LRRTM4: variants seen among roughly 807,000 people sequenced by gnomAD.
LRRTM4 encodes the protein leucine rich repeat transmembrane neuronal 4.
LRRTM4 carries 25 observed loss-of-function variants against 47.6 expected under a neutral mutation model. The ratio of observed to expected loss-of-function variants is 0.53; its 90% CI spans 0.38 to 0.73. The LOEUF (loss-of-function observed/expected upper bound fraction) is 0.73. Ranked by LOEUF, LRRTM4 falls within the 30% of genes least tolerant of loss-of-function variation. LRRTM4 has a pLI of 0.00. For missense variants in LRRTM4, 638 were observed against 713.4 expected (o/e 0.89, Z 1.20); for synonymous variants, 311 against 269.5 (o/e 1.15, Z -1.51).
At chr2:77,091,024 G>A (rs981142060) in intron 3 of LRRTM4, among the ~76,000 whole-genome samples, 39 of 152,048 alleles carry the variant, frequency 2.6e-4, no homozygotes, top group African/African-American at 9.2e-4. Context: ...GGGTATTGAC[G>A]GCCAGGCTTC....
At chr2:77,196,025 A>G (rs1325170733) in intron 3 of LRRTM4, among the ~76,000 whole-genome samples, 1 of 152,196 alleles carries the variant, frequency 6.6e-6, no homozygotes, top group African/African-American at 2.4e-5. Flanking sequence ...ATTGCCCTCC[A>G]ATGATCCAAT....
chr2:76,905,520 G>C (rs1673798931), intron 3 of LRRTM4, among the ~76,000 whole-genome samples: 1 of 152,128 alleles, frequency 6.6e-6, no homozygotes, highest in Non-Finnish European at 1.5e-5. Flanking sequence ...GACGAGTTGA[G>C]AGAAGAAGGC....
intron 3 of LRRTM4, among the ~76,000 whole-genome samples, chr2:76,966,136 A>T (rs1676015902): frequency 6.6e-6 from 1 of 151,610 alleles, no homozygotes; most frequent in Non-Finnish European, 1.5e-5. Context: ...AACTCCCCTA[A>T]CAGGTTTTAT....
In LRRTM4 at chr2:77,037,536, C is replaced by T. The variant is rs141279784; in HGVS notation, c.1552-288620G>A. Among the ~76,000 whole-genome samples the T allele has an allele frequency of 1.7e-4, 25 of 150,648 alleles. 1 individual carries two copies. The East Asian group carries it at 4.7e-3, about 28-fold the overall frequency. On this transcript the variant is annotated intron_variant, in intron 3 of 3. Transcript: ENST00000409884. ...ATAAAAAAATGCTTATGTCCAGGTA[C>T]TTCCTTTGTTGCTGTTTTATTACCA... is the stretch of plus-strand genomic sequence containing the variant.
rs144471237 is a variant in LRRTM4, at chr2:76,967,678, T to C, written c.1552-218762A>G. Among the ~76,000 whole-genome samples, 1,111 of 151,884 alleles carry C rather than the reference T, an allele frequency of 7.3e-3. 30 individuals are homozygous for C. The highest frequency in any genetic ancestry group is 0.068 in the South Asian group (330 of 4,832). On this transcript the variant is annotated intron_variant, in intron 3 of 3. Transcript: ENST00000409884. ...TGCTCTCAACGCATGAGGATTCCTC[T>C]TCTTGAAATGCCCTTTTTCTTCAGC...
Position 76,836,159 on chromosome 2 carries a change from T to TA in LRRTM4, c.1552-87244dup, listed in dbSNP as rs11361011. ...AGTCTCAAGATATTATAGTATGCGGTAAAAAAAAAAAAAAAATAACAGTGA... is the reference window on the plus strand; with the variant it reads ...AGTCTCAAGATATTATAGTATGCGGTAAAAAAAAAAAAAAAAATAACAGTGA... On this transcript the variant is annotated intron_variant, in intron 3 of 3. Transcript: ENST00000409884. 7.3e-4 allele frequency among the ~76,000 whole-genome samples: 106 copies of TA among 146,110 alleles called. 2 individuals are homozygous for TA. Among genetic ancestry groups the TA allele is most frequent in the East Asian group, 3.2e-3 (16 of 4,998 alleles).
chr2:77,518,207 A>G (rs745743302), intron 3 of LRRTM4, 111 bp downstream of exon 3: 17 of 1,376,770 alleles, frequency 1.2e-5, no homozygotes, highest in Non-Finnish European at 1.6e-5. Flanking sequence ...CAAAACCCAA[A>G]AGCAAAAGGG....
At chr2:77,106,075 C>A (rs1477227104) in intron 3 of LRRTM4, among the ~76,000 whole-genome samples, 3 of 152,126 alleles carry the variant, frequency 2.0e-5, no homozygotes, top group South Asian at 4.1e-4. Flanking sequence ...GATTTTCTCC[C>A]ACTCTCAGCA....
chr2:77,208,310 CAGAA>C (rs1370864632), intron 3 of LRRTM4, among the ~76,000 whole-genome samples: 12 of 152,058 alleles, frequency 7.9e-5, no homozygotes, highest in Non-Finnish European at 5.9e-5. Flanking sequence ...TTCTCGCACA[CAGAA>C]AGAGAAGAAT....
At chr2:76,807,592 TTTTATTATTA>T (rs1413151285) in intron 3 of LRRTM4, among the ~76,000 whole-genome samples, 3 of 150,592 alleles carry the variant, frequency 2.0e-5, no homozygotes, top group Non-Finnish European at 4.4e-5. Context: ...TATTTCTTTA[TTTTATTATTA>T]TTATTTTGAG....
intron 3 of LRRTM4, among the ~76,000 whole-genome samples, chr2:77,184,667 G>T (rs1673449058): frequency 6.6e-6 from 1 of 151,988 alleles, no homozygotes; most frequent in Admixed American, 6.6e-5. Context: ...ATTCGCCTCT[G>T]ATCCCTCCCA....
At position 76,908,568 on chromosome 2, in the gene LRRTM4, T is replaced by C. The variant is rs200114948; in HGVS notation, c.1552-159652A>G. Among the ~76,000 whole-genome samples the C allele has an allele frequency of 4.6e-5, 7 of 152,062 alleles. No homozygotes were observed. The East Asian group carries it at 5.8e-4, about 13-fold the overall frequency. On this transcript the variant is annotated intron_variant, in intron 3 of 3. Transcript: ENST00000409884. ...AAGTCAAAGTGTCCCTGTTTGCAGA[T>C]GACATGATTGTATATCTAGAAAACC...
In LRRTM4 at chr2:77,504,105, T is replaced by C. The variant is rs979914694; in HGVS notation, c.1551+14213A>G. Among the ~76,000 whole-genome samples the C allele has an allele frequency of 5.9e-5, 9 of 151,732 alleles. No individual in the cohort carries two copies. In the East Asian group the frequency reaches 1.7e-3, roughly 29 times the overall value. On this transcript the variant is annotated intron_variant, in intron 3 of 3. Transcript: ENST00000409884. Reference sequence around the variant, plus strand: ...ATAAGAAAATTCTCTCTGTCTCTCTTCCTTTCTTGAGTGGTAATACTCAAG... The same window carrying C: ...ATAAGAAAATTCTCTCTGTCTCTCTCCCTTTCTTGAGTGGTAATACTCAAG...
intron 3 of LRRTM4, among the ~76,000 whole-genome samples, chr2:77,272,960 A>G (rs531649170): frequency 1.1e-4 from 16 of 152,248 alleles, no homozygotes; most frequent in African/African-American, 3.8e-4. Context: ...CTATAATTTG[A>G]TAGTTTTAAA....
intron 3 of LRRTM4, among the ~76,000 whole-genome samples, chr2:77,353,055 A>C (rs1671842874): frequency 6.6e-6 from 1 of 152,274 alleles, no homozygotes; most frequent in East Asian, 1.9e-4. Context: ...AAAGTTTAAC[A>C]CATGTGATAA....
intron 3 of LRRTM4, among the ~76,000 whole-genome samples, chr2:77,275,271 G>A (rs1464552954): frequency 2.0e-5 from 3 of 152,086 alleles, no homozygotes; most frequent in Non-Finnish European, 2.9e-5. Flanking sequence ...AAGTTTTTAA[G>A]CTAGAGTATA....
At chr2:77,384,795 TAAAGG>T (rs745907478) in intron 3 of LRRTM4, among the ~76,000 whole-genome samples, 24 of 152,192 alleles carry the variant, frequency 1.6e-4, no homozygotes, top group Non-Finnish European at 2.6e-4. Flanking sequence ...AACAAATCTG[TAAAGG>T]AAAGTAAGCG....
At chr2:77,516,671 G>A (rs916581456) in intron 3 of LRRTM4, 6 of 978,206 alleles carry the variant, frequency 6.1e-6, no homozygotes, top group Non-Finnish European at 7.3e-6. Flanking sequence ...GACTTTTATA[G>A]AAAATCTTTT....
intron 3 of LRRTM4, among the ~76,000 whole-genome samples, chr2:77,152,486 G>A (rs543322967): frequency 1.0e-3 from 152 of 152,050 alleles, no homozygotes; most frequent in Admixed American, 1.8e-3. Flanking sequence ...GTGCCACCAC[G>A]CCGGGCTAAT....
Sources: gnomAD v4.1 joint callset for allele counts (sites outside exome capture counted in the v4.1 genomes callset) on GRCh38, gnomAD v4.1.1 for gene constraint, MANE v1.5 for transcripts, NCBI Gene and HGNC (gene_info 2026-07-23, HGNC 2026-07-21) for gene names.